RGS20: variants seen among roughly 807,000 people sequenced by gnomAD.
RGS20 encodes regulator of G protein signaling 20.
RGS20 carries 30 observed loss-of-function variants against 33.6 expected under a neutral mutation model. That is an observed-to-expected ratio of 0.89 (90% CI 0.67 to 1.21). The LOEUF is 1.21. RGS20 is among the 50% of genes most tolerant of loss of function. The pLI, the probability that RGS20 is intolerant of heterozygous loss-of-function variation, is 0.00. For synonymous variants in RGS20, 208 were observed against 197.9 expected (o/e 1.05, Z -0.43); for missense variants, 472 against 502.4 (o/e 0.94, Z 0.58).
intron 1 of RGS20, among the ~76,000 whole-genome samples, chr8:53,867,635 A>T (rs1171067603): frequency 6.6e-6 from 1 of 151,928 alleles, no homozygotes; most frequent in African/African-American, 2.4e-5. Context: ...AATCTTAGGT[A>T]AATCCAACCA....
intron 2 of RGS20, chr8:53,886,952 G>A (rs908969215): frequency 1.3e-5 from 2 of 152,300 alleles, no homozygotes; most frequent in African/African-American, 2.4e-5. Context: ...TGATTTAAGG[G>A]ACTCGTAGAT....
intron 5 of RGS20, among the ~76,000 whole-genome samples, chr8:53,955,081 G>A (rs1470640778): frequency 6.6e-6 from 1 of 150,982 alleles, no homozygotes; most frequent in Non-Finnish European, 1.5e-5. Flanking sequence ...ACAGTCAAAG[G>A]GATCTGAATA....
chr8:53,957,655 C>T (rs1443244954), intron 5 of RGS20, among the ~76,000 whole-genome samples: 27 of 152,210 alleles, frequency 1.8e-4, no homozygotes, highest in Admixed American at 1.8e-3. Context: ...CTGCCAGCAT[C>T]ACTTAGAACT....
chr8:53,897,418 G>A (rs1306403778), intron 2 of RGS20, among the ~76,000 whole-genome samples: 5 of 152,166 alleles, frequency 3.3e-5, no homozygotes, highest in Non-Finnish European at 7.4e-5. Context: ...TAATTTAGGG[G>A]CAATGGTAGG....
At chr8:53,943,824 G>A (rs1014148696) in intron 3 of RGS20, among the ~76,000 whole-genome samples, 7 of 151,908 alleles carry the variant, frequency 4.6e-5, no homozygotes, top group Non-Finnish European at 8.8e-5. Context: ...AAGAAGCCTC[G>A]GAAGTCATGC....
At chr8:53,935,811 G>GCCAATAT (rs1289951125) in intron 2 of RGS20, among the ~76,000 whole-genome samples, 16 of 151,970 alleles carry the variant, frequency 1.1e-4, no homozygotes, top group Admixed American at 3.9e-4. Flanking sequence ...AAAATTTCAG[G>GCCAATAT]CCAATATCCC....
At chr8:53,930,772 C>T (rs1398921466) in intron 2 of RGS20, among the ~76,000 whole-genome samples, 4 of 152,126 alleles carry the variant, frequency 2.6e-5, no homozygotes, top group African/African-American at 9.7e-5. Flanking sequence ...TGGTCTCGAA[C>T]TCCTGACCTC....
chr8:53,889,903 G>C (rs572392427), intron 2 of RGS20, among the ~76,000 whole-genome samples: 1 of 152,046 alleles, frequency 6.6e-6, no homozygotes, highest in East Asian at 1.9e-4. Flanking sequence ...TCTCATTTTT[G>C]ACTTACCACA....
At chr8:53,854,016 G>A (rs547946942) in intron 1 of RGS20, among the ~76,000 whole-genome samples, 3 of 152,008 alleles carry the variant, frequency 2.0e-5, no homozygotes, top group African/African-American at 7.2e-5. Context: ...GACGTCAAGG[G>A]GTCAGTCAGA....
At chr8:53,941,175 TAACAAGTAGGACG>T in intron 3 of RGS20, among the ~76,000 whole-genome samples, 1 of 152,142 alleles carries the variant, frequency 6.6e-6, no homozygotes, top group Non-Finnish European at 1.5e-5. Context: ...CTCCTACAGG[TAACAAGTAGGACG>T]AATAAAATAA....
chr8:53,881,177 C>A, intron 2 of RGS20, 93 bp downstream of exon 1: 2 of 944,998 alleles, frequency 2.1e-6, no homozygotes, highest in Non-Finnish European at 2.9e-6. Flanking sequence ...GAGGGGCGCG[C>A]CGCTCGTCCG....
At chr8:53,904,379 G>C (rs1337349070) in intron 2 of RGS20, among the ~76,000 whole-genome samples, 1 of 152,154 alleles carries the variant, frequency 6.6e-6, no homozygotes, top group Non-Finnish European at 1.5e-5. Context: ...TGATCCTTCT[G>C]CCTTGGCCTC....
At chr8:53,853,221 C>A (rs1175250347) in intron 1 of RGS20, among the ~76,000 whole-genome samples, 2 of 152,072 alleles carry the variant, frequency 1.3e-5, no homozygotes, top group East Asian at 3.8e-4. Flanking sequence ...ACAAATATAC[C>A]CATTGTATGG....
At chr8:53,852,207 A>G (rs1811582469) in intron 1 of RGS20, 1 of 730,412 alleles carries the variant, frequency 1.4e-6, no homozygotes. Flanking sequence ...ACCATCCCCA[A>G]GGGAAATCTA....
chr8:53,902,618 T>C (rs1371747408), intron 2 of RGS20, among the ~76,000 whole-genome samples: 1 of 152,274 alleles, frequency 6.6e-6, no homozygotes, highest in Non-Finnish European at 1.5e-5. Flanking sequence ...TCCCTGTCTA[T>C]GCATAGTTGC....
intron 2 of RGS20, among the ~76,000 whole-genome samples, chr8:53,929,575 A>G (rs1386055759): frequency 6.6e-6 from 1 of 152,178 alleles, no homozygotes; most frequent in East Asian, 1.9e-4. Context: ...GGCTGAAGCA[A>G]GAGAATTGCT....
intron 2 of RGS20, among the ~76,000 whole-genome samples, 183 bp downstream of exon 1, chr8:53,881,267 A>G (rs1253894806): frequency 1.4e-5 from 2 of 144,956 alleles, no homozygotes; most frequent in Non-Finnish European, 3.0e-5. Context: ...AGTTTGGGGG[A>G]GTGGGGCTGC....
chr8:53,914,457 A>C (rs1813429568), intron 2 of RGS20, among the ~76,000 whole-genome samples: 1 of 151,964 alleles, frequency 6.6e-6, no homozygotes, highest in African/African-American at 2.4e-5. Flanking sequence ...CTGCCCCCAA[A>C]CTGTAATTTG....
intron 5 of RGS20, 44 bp downstream of exon 4, chr8:53,954,354 T>C (rs780528075): frequency 7.4e-7 from 1 of 1,347,362 alleles, no homozygotes; most frequent in Non-Finnish European, 1.1e-6. Flanking sequence ...GTTGGTAAAA[T>C]TAACTTGGTG....
Sources: allele counts gnomAD v4.1 joint callset (sites outside exome capture counted in the v4.1 genomes callset), GRCh38; gene constraint gnomAD v4.1.1; transcripts MANE v1.5; gene names NCBI Gene and HGNC (gene_info 2026-07-23, HGNC 2026-07-21).